Variants in TGFA observed in about 807,000 individuals in gnomAD.
TGFA encodes transforming growth factor alpha.
A neutral mutation model predicts 21.7 loss-of-function variants in TGFA; 12 were observed. The ratio of observed to expected loss-of-function variants is 0.55; its 90% CI spans 0.35 to 0.90. The LOEUF (loss-of-function observed/expected upper bound fraction) is 0.90, where lower values mean the gene tolerates loss of function less well. TGFA is among the 40% of genes least tolerant of loss of function. TGFA has a pLI of 0.01. For synonymous variants in TGFA, 79 were observed against 88.1 expected (o/e 0.90, Z 0.58); for missense variants, 178 against 210.8 (o/e 0.84, Z 0.96).
chr2:70,531,282 T>C (rs1672807363), intron 1 of TGFA, among the ~76,000 whole-genome samples: 1 of 152,186 alleles, frequency 6.6e-6, no homozygotes, highest in South Asian at 2.1e-4. Flanking sequence ...CCCCAGTGTG[T>C]CCTGAAGGGT....
chr2:70,481,870 T>C (rs1380364182), intron 2 of TGFA, among the ~76,000 whole-genome samples: 1 of 152,180 alleles, frequency 6.6e-6, no homozygotes, highest in Non-Finnish European at 1.5e-5. Flanking sequence ...AGCCTTCAGA[T>C]GACAGTGCAG....
intron 1 of TGFA, among the ~76,000 whole-genome samples, chr2:70,544,063 A>T (rs1268639833): frequency 1.3e-5 from 2 of 152,170 alleles, no homozygotes; most frequent in East Asian, 3.8e-4. Context: ...TAAAAAACTA[A>T]CAAAACAAAA....
intron 3 of TGFA, among the ~76,000 whole-genome samples, chr2:70,464,707 T>C (rs2103694381): frequency 6.6e-6 from 1 of 152,334 alleles, no homozygotes; most frequent in East Asian, 1.9e-4. Flanking sequence ...TAAATATGTC[T>C]TTCTGAAACC....
Position 70,553,809 on chromosome 2 carries a change from T to C in TGFA, c.-42A>G, listed in dbSNP as rs1673593302. ...CAGCAGGCTCTCCAGCCTCCTGCCC[T>C]ACCTGCGGTGCCCGAGTGGCGGAGC... On this transcript the variant is annotated 5_prime_UTR_variant, in exon 1 of 6. Transcript: ENST00000295400. 2 of 1,252,576 alleles carry C rather than the reference T, an allele frequency of 1.6e-6. No individual in the cohort carries two copies. Among genetic ancestry groups the C allele is most frequent in the Non-Finnish European group, 1.0e-6 (1 of 991,768 alleles). The allele number at this position is 1,252,576 out of a possible 1,614,324, so 77.6% of individuals were successfully genotyped here. A position where few individuals can be genotyped will look rare whatever the true frequency, so the allele number is the denominator to read the frequency against.
In TGFA at chr2:70,456,395, C is replaced by G. The variant is rs1553490542; in HGVS notation, c.309G>C (p.Leu103Phe). 1 of 1,584,202 alleles carries G rather than the reference C, an allele frequency of 6.3e-7. No homozygotes were observed. Among genetic ancestry groups the G allele is most frequent in the Non-Finnish European group, 8.6e-7 (1 of 1,165,202 alleles). ...CCAGGGCCACGATGGAGACCACCAC[C>G]AAGGCGGTGATGGCCTGCTTCTTCT... ...ASQKKQAITA[L>F]VVVSIVALAV... Residue 103 changes from leucine (L) to phenylalanine (F), a missense_variant, in exon 4 of 6, where the codon TTG becomes TTC. Transcript: ENST00000295400.
intron 2 of TGFA, among the ~76,000 whole-genome samples, chr2:70,468,010 C>A (rs1670623079): frequency 6.6e-6 from 1 of 152,182 alleles, no homozygotes; most frequent in Admixed American, 6.5e-5. Context: ...GGTCCCCCTG[C>A]CTCCTTGGTC....
Position 70,456,437 on chromosome 2 carries a change from G to A in TGFA, c.267C>T (p.Ala89=), listed in dbSNP as rs782179034. Residue 89 remains alanine (A), a synonymous_variant, in exon 4 of 6, where the codon GCC becomes GCT. Coordinates refer to ENST00000295400, the MANE Select transcript of TGFA (RefSeq NM_003236.4). ...GARCEHADLL[A]VVAASQKKQA... ...GCTTCTTCTGGCTGGCAGCCACCAC[G>A]GCCAGGAGGTCCGCATGCTCACAGC... 24 of 1,606,620 alleles carry A rather than the reference G, an allele frequency of 1.5e-5. No individual in the cohort carries two copies. The East Asian group carries it at 4.1e-4, about 27-fold the overall frequency.
intron 2 of TGFA, among the ~76,000 whole-genome samples, chr2:70,497,730 A>G (rs1671619281): frequency 6.6e-6 from 1 of 152,176 alleles, no homozygotes; most frequent in Non-Finnish European, 1.5e-5. Flanking sequence ...TAAAACTTCC[A>G]CTGCCAAGAA....
At chr2:70,529,284 T>C (rs1353263794) in intron 1 of TGFA, among the ~76,000 whole-genome samples, 1 of 152,148 alleles carries the variant, frequency 6.6e-6, no homozygotes, top group Non-Finnish European at 1.5e-5. Flanking sequence ...CCAGGGGGCA[T>C]GAACTACAGA....
intron 1 of TGFA, among the ~76,000 whole-genome samples, chr2:70,537,004 T>C (rs1003540727): frequency 5.9e-5 from 9 of 151,738 alleles, no homozygotes; most frequent in Non-Finnish European, 1.2e-4. Flanking sequence ...TTTTCTTTTT[T>C]TTTTTTTTAC....
intron 2 of TGFA, among the ~76,000 whole-genome samples, chr2:70,509,223 G>A (rs542863384): frequency 6.6e-6 from 1 of 152,348 alleles, no homozygotes; most frequent in South Asian, 2.1e-4. Context: ...TCAGCTCCAT[G>A]TGGGAAAACT....
intron 2 of TGFA, among the ~76,000 whole-genome samples, chr2:70,502,170 C>A (rs1407895315): frequency 6.6e-6 from 1 of 152,158 alleles, no homozygotes; most frequent in Admixed American, 6.5e-5. Context: ...AAGCATTCCA[C>A]GTCTCCCATA....
At chr2:70,507,840 T>C (rs991497184) in intron 2 of TGFA, among the ~76,000 whole-genome samples, 8 of 152,202 alleles carry the variant, frequency 5.3e-5, no homozygotes, top group Non-Finnish European at 8.8e-5. Context: ...AACCCCATAC[T>C]CTCCATTTCT....
At chr2:70,506,744 G>C (rs1671939071) in intron 2 of TGFA, among the ~76,000 whole-genome samples, 1 of 152,162 alleles carries the variant, frequency 6.6e-6, no homozygotes, top group Admixed American at 6.5e-5. Flanking sequence ...TACAGGCAAG[G>C]AAGCCAGGCA....
chr2:70,509,899 TAA>T (rs1324407158), intron 2 of TGFA, among the ~76,000 whole-genome samples: 1 of 152,206 alleles, frequency 6.6e-6, no homozygotes, highest in Non-Finnish European at 1.5e-5. Flanking sequence ...AAGGGGCATT[TAA>T]AAGTGTCTTT....
At chr2:70,468,026 C>T (rs544097832) in intron 2 of TGFA, among the ~76,000 whole-genome samples, 7 of 152,262 alleles carry the variant, frequency 4.6e-5, no homozygotes, top group African/African-American at 7.2e-5. Context: ...TGGTCCTCTG[C>T]GGTTGAATGA....
At chr2:70,494,937 A>C (rs1671536775) in intron 2 of TGFA, among the ~76,000 whole-genome samples, 2 of 152,110 alleles carry the variant, frequency 1.3e-5, no homozygotes, top group Non-Finnish European at 2.9e-5. Context: ...TTTTCAGGAG[A>C]TGTTCAGAAA....
At chr2:70,462,781 A>G (rs12464815) in intron 3 of TGFA, among the ~76,000 whole-genome samples, 23,616 of 151,980 alleles carry the variant, frequency 0.16, 2,135 homozygotes, top group Admixed American at 0.27. Flanking sequence ...CAGGGGGGAA[A>G]CTGAGGTAAA....
At position 70,465,687 on chromosome 2, in the gene TGFA, T is replaced by C. The variant is rs1553492088; in HGVS notation, c.144A>G (p.Pro48=). The change falls in exon 3 of 6, where the codon CCA becomes CCG. Residue 48 remains proline, a synonymous_variant. Transcript: ENST00000295400. ...GGAAGCAGAACTGAGTGTGGGAATC[T>C]GGGCAGTCATTAAAATGGGACACCA... The part of the protein sequence containing the change: ...AAVVSHFNDC[P]DSHTQFCFHG... The C allele has an allele frequency of 6.2e-7, 1 of 1,614,044 alleles. No individual in the cohort carries two copies. The highest frequency in any genetic ancestry group is 8.5e-7 in the Non-Finnish European group (1 of 1,180,034).
Sources: allele counts gnomAD v4.1 joint callset (sites outside exome capture counted in the v4.1 genomes callset), GRCh38; gene constraint gnomAD v4.1.1; transcripts MANE v1.5; gene names NCBI Gene and HGNC (gene_info 2026-07-23, HGNC 2026-07-21).